Variants in LGR5 observed in about 807,000 individuals in gnomAD.
LGR5 encodes the protein leucine-rich repeat-containing G protein-coupled receptor 5.
A neutral mutation model predicts 76.7 loss-of-function variants in LGR5; 54 were observed. The ratio of observed to expected loss-of-function variants is 0.70; its 90% CI spans 0.57 to 0.88. LGR5 has a LOEUF of 0.88. Ranked by LOEUF, LGR5 falls within the 40% of genes least tolerant of loss-of-function variation. The pLI is 0.00. For missense variants in LGR5, 1,078 were observed against 1,073.3 expected (o/e 1.00, Z -0.06); for synonymous variants, 406 against 421.9 (o/e 0.96, Z 0.46).
At chr12:71,504,565 T>C (rs983332865) in intron 1 of LGR5, 49 bp from the exon 2 acceptor site, 1 of 1,405,820 alleles carries the variant, frequency 7.1e-7, no homozygotes, top group African/African-American at 1.4e-5. Context: ...CTGGATTTCC[T>C]TGTGGTGGCA....
intron 16 of LGR5, 98 bp from the exon 17 acceptor site, chr12:71,582,358 G>T (rs1183435999): frequency 4.2e-6 from 4 of 953,810 alleles, no homozygotes; most frequent in Non-Finnish European, 6.6e-6. Context: ...ATTTGTGACA[G>T]TTCATGTCTC....
chr12:71,552,513 C>T (rs541746418), intron 4 of LGR5, among the ~76,000 whole-genome samples: 11 of 150,264 alleles, frequency 7.3e-5, no homozygotes, highest in Non-Finnish European at 1.5e-4. Context: ...TGCAGTGAGC[C>T]GAGATCGCGC....
intron 3 of LGR5, among the ~76,000 whole-genome samples, chr12:71,524,900 C>A (rs1410337492): frequency 6.6e-6 from 1 of 152,022 alleles, no homozygotes. Context: ...CTAAAAAAAC[C>A]AAGTTTGTGT....
intron 3 of LGR5, among the ~76,000 whole-genome samples, chr12:71,525,816 A>T (rs1875970955): frequency 6.6e-6 from 1 of 151,426 alleles, no homozygotes; most frequent in African/African-American, 2.4e-5. Flanking sequence ...ATTATATATA[A>T]GCTAGTTATT....
intron 1 of LGR5, among the ~76,000 whole-genome samples, chr12:71,499,644 T>C (rs949389393): frequency 6.6e-6 from 1 of 152,164 alleles, no homozygotes; most frequent in African/African-American, 2.4e-5. Context: ...GGTTGTATCC[T>C]GCACAGAGTC....
intron 13 of LGR5, among the ~76,000 whole-genome samples, chr12:71,577,097 C>A (rs1253219742): frequency 6.6e-6 from 1 of 152,146 alleles, no homozygotes; most frequent in Non-Finnish European, 1.5e-5. Flanking sequence ...AGCCCAATAT[C>A]ATAAACTTTT....
intron 1 of LGR5, among the ~76,000 whole-genome samples, chr12:71,460,628 G>T (rs1196479472): frequency 3.9e-5 from 6 of 152,098 alleles, no homozygotes; most frequent in Non-Finnish European, 5.9e-5. Flanking sequence ...TGCTTAACTT[G>T]CAAATTAATG....
chr12:71,525,780 A>T (rs1055740590), intron 3 of LGR5, among the ~76,000 whole-genome samples: 9 of 151,564 alleles, frequency 5.9e-5, no homozygotes, highest in African/African-American at 2.2e-4. Flanking sequence ...AAATGAATAC[A>T]TTTAAATTAA....
chr12:71,474,910 C>A (rs985820522), intron 1 of LGR5, among the ~76,000 whole-genome samples: 13 of 152,114 alleles, frequency 8.5e-5, no homozygotes, highest in Admixed American at 8.5e-4. Context: ...GATTAAATTG[C>A]CTTTGGGGTG....
chr12:71,460,258 G>A (rs4512943), intron 1 of LGR5, among the ~76,000 whole-genome samples: 1,812 of 152,170 alleles, frequency 0.012, 38 homozygotes, highest in African/African-American at 0.042. Context: ...ATGAAAAAAT[G>A]ATGAAGAGAG....
At position 71,583,912 on chromosome 12, in the gene LGR5, G is replaced by A. The variant is rs773901232; in HGVS notation, c.1902G>A (p.Gly634=). The A allele has an allele frequency of 3.1e-6, 5 of 1,614,018 alleles. No individual in the cohort carries two copies. The highest frequency in any genetic ancestry group is 8.5e-7 in the Non-Finnish European group (1 of 1,180,028). Residue 634 remains glycine (G), a synonymous_variant, in exon 18 of 18, where the codon GGG becomes GGA. Transcript: ENST00000266674. ...GACATGGTGCCTGGTGGGAGAATGG[G>A]GTTGGTTGCCATGTCATTGGTTTTT... The part of the protein sequence containing the change: ...FARHGAWWEN[G]VGCHVIGFLS...
At chr12:71,444,552 G>A (rs1422494073) in intron 1 of LGR5, among the ~76,000 whole-genome samples, 1 of 152,050 alleles carries the variant, frequency 6.6e-6, no homozygotes, top group African/African-American at 2.4e-5. Flanking sequence ...TAATAAACAT[G>A]ATCTTCAGTT....
intron 1 of LGR5, among the ~76,000 whole-genome samples, chr12:71,445,606 A>G (rs960742994): frequency 3.9e-5 from 6 of 152,222 alleles, no homozygotes; most frequent in Non-Finnish European, 7.3e-5. Context: ...TTTGTTATCC[A>G]TAAGTTATAT....
At chr12:71,446,954 A>G (rs1372965463) in intron 1 of LGR5, among the ~76,000 whole-genome samples, 1 of 152,244 alleles carries the variant, frequency 6.6e-6, no homozygotes, top group African/African-American at 2.4e-5. Context: ...AGGGATCAAT[A>G]GATTAGTAAC....
At chr12:71,532,862 C>T (rs1876393610) in intron 3 of LGR5, among the ~76,000 whole-genome samples, 2 of 151,538 alleles carry the variant, frequency 1.3e-5, no homozygotes, top group South Asian at 4.2e-4. Flanking sequence ...GTACATGCAA[C>T]CACTCTCACT....
rs151014003 is a variant in LGR5, at chr12:71,495,667, A to G, written c.213-8947A>G. 4.6e-5 allele frequency among the ~76,000 whole-genome samples: 7 copies of G among 151,456 alleles called. No individual in the cohort carries two copies. The East Asian group carries it at 7.7e-4, about 17-fold the overall frequency. ...GAACTGAGGTACAAAGATGTTAAAT[A>G]ACTTCCTCAAGGTTACTCAACTCTG... On this transcript the variant is annotated intron_variant, in intron 1 of 17. Coordinates refer to ENST00000266674, the MANE Select transcript of LGR5 (RefSeq NM_003667.4).
At chr12:71,469,476 T>A (rs969810221) in intron 1 of LGR5, among the ~76,000 whole-genome samples, 3 of 152,042 alleles carry the variant, frequency 2.0e-5, no homozygotes, top group African/African-American at 7.2e-5. Context: ...GCGCTGGGAG[T>A]GGGAATCAGT....
chr12:71,459,065 T>C (rs2137223593), intron 1 of LGR5, among the ~76,000 whole-genome samples: 1 of 152,162 alleles, frequency 6.6e-6, no homozygotes, highest in South Asian at 2.1e-4. Context: ...CTGTGCTTTC[T>C]GTACTTCTAA....
rs1180390126 is a variant in LGR5 at position 71,583,925 on chromosome 12, G to A, written c.1915G>A (p.Val639Ile). 6.2e-7 allele frequency: 1 copy of A among 1,614,098 alleles called. No individual in the cohort carries two copies. Among genetic ancestry groups the A allele is most frequent in the Non-Finnish European group, 8.5e-7 (1 of 1,180,050 alleles). Residue 639 changes from valine to isoleucine, a missense_variant, in exon 18 of 18, where the codon GTC becomes ATC. By Grantham distance (29) the Val-to-Ile change is conservative. Transcript: ENST00000266674. ...AWWENGVGCH[V>I]IGFLSIFASE... ...GTGGGAGAATGGGGTTGGTTGCCAT[G>A]TCATTGGTTTTTTGTCCATTTTTGC... is the stretch of plus-strand genomic sequence containing the variant.
Sources: gnomAD v4.1 joint callset for allele counts (sites outside exome capture counted in the v4.1 genomes callset) on GRCh38, gnomAD v4.1.1 for gene constraint, MANE v1.5 for transcripts, NCBI Gene and HGNC (gene_info 2026-07-23, HGNC 2026-07-21) for gene names.